The following ZFHX3 variants were observed in gnomAD, a reference collection of about 807,000 sequenced individuals.
The protein encoded by ZFHX3 is zinc finger homeobox protein 3.
Under a neutral mutation model 279.1 loss-of-function variants are expected in ZFHX3, and 42 were observed. The observed-to-expected ratio is 0.15, with a 90% CI of 0.12 to 0.19. The LOEUF (loss-of-function observed/expected upper bound fraction) is 0.19, where lower values mean the gene tolerates loss of function less well. Ranked by LOEUF, ZFHX3 falls within the 10% of genes least tolerant of loss-of-function variation. The probability of loss-of-function intolerance (pLI) is 1.00; values close to 1 mark genes in which losing one functional copy is unlikely to be tolerated. For synonymous variants in ZFHX3, 2,293 were observed against 1,957.8 expected (o/e 1.17, Z -4.52); for missense variants, 4,981 against 4,754.0 (o/e 1.05, Z -1.40).
intron 2 of ZFHX3, among the ~76,000 whole-genome samples, chr16:73,461,334 C>T (rs1300899586): frequency 2.0e-5 from 3 of 152,100 alleles, no homozygotes; most frequent in Non-Finnish European, 2.9e-5. Context: ...TTTCAGGTAT[C>T]TTCTCCCAGT....
At chr16:73,273,341 G>A (rs932155765) in intron 4 of ZFHX3, among the ~76,000 whole-genome samples, 4 of 152,170 alleles carry the variant, frequency 2.6e-5, no homozygotes, top group African/African-American at 7.2e-5. Context: ...AATAACTCCT[G>A]TTGGATATGA....
chr16:73,831,413 G>A (rs928552196), intron 1 of ZFHX3, among the ~76,000 whole-genome samples: 2 of 152,156 alleles, frequency 1.3e-5, no homozygotes, highest in African/African-American at 2.4e-5. Flanking sequence ...TAGTGCTATC[G>A]TTTATTAGAG....
intron 3 of ZFHX3, among the ~76,000 whole-genome samples, chr16:73,353,350 T>C (rs2143292373): frequency 6.6e-6 from 1 of 152,270 alleles, no homozygotes; most frequent in African/African-American, 2.4e-5. Context: ...TGCCATCCAT[T>C]TACTCACTCT....
chr16:73,493,666 T>C (rs747548454), intron 2 of ZFHX3, among the ~76,000 whole-genome samples: 12 of 152,176 alleles, frequency 7.9e-5, no homozygotes, highest in Non-Finnish European at 8.8e-5. Flanking sequence ...AGGGTCAACC[T>C]GTTCCTTCCT....
intron 1 of ZFHX3, among the ~76,000 whole-genome samples, chr16:73,699,197 A>G (rs2053225224): frequency 6.6e-6 from 1 of 152,286 alleles, no homozygotes; most frequent in African/African-American, 2.4e-5. Context: ...TCAATTTCTT[A>G]GTTTTGGCAA....
chr16:73,717,148 A>T (rs1012285042), intron 1 of ZFHX3, among the ~76,000 whole-genome samples: 1 of 152,170 alleles, frequency 6.6e-6, no homozygotes, highest in Non-Finnish European at 1.5e-5. Flanking sequence ...ACGCAGTTAT[A>T]CCTGGGCTCT....
chr16:73,575,836 G>A (rs2051793805), intron 2 of ZFHX3, among the ~76,000 whole-genome samples: 1 of 152,138 alleles, frequency 6.6e-6, no homozygotes, highest in Non-Finnish European at 1.5e-5. Context: ...TCTCACTGGA[G>A]ATGCTTTGTG....
At chr16:73,245,176 G>T (rs1221572353) in intron 5 of ZFHX3, among the ~76,000 whole-genome samples, 1 of 152,160 alleles carries the variant, frequency 6.6e-6, no homozygotes, top group African/African-American at 2.4e-5. Flanking sequence ...CCCTCTCATT[G>T]TTGATTTACT....
chr16:73,611,104 T>C (rs994324154), intron 2 of ZFHX3, among the ~76,000 whole-genome samples: 3 of 152,244 alleles, frequency 2.0e-5, no homozygotes, highest in African/African-American at 4.8e-5. Context: ...CTGATCTTAT[T>C]TTGTTTTTGA....
chr16:73,266,602 G>A (rs2013982727), intron 4 of ZFHX3, among the ~76,000 whole-genome samples: 2 of 152,298 alleles, frequency 1.3e-5, no homozygotes, highest in South Asian at 4.1e-4. Context: ...AGTTGGTGAT[G>A]TGGTTTGGCT....
intron 1 of ZFHX3, among the ~76,000 whole-genome samples, chr16:73,002,125 T>C (rs1963517765): frequency 1.3e-5 from 2 of 152,072 alleles, no homozygotes; most frequent in Admixed American, 1.3e-4. Context: ...CTTTTACAGA[T>C]AAAGCATCTG....
At chr16:73,703,560 A>C (rs7194049) in intron 1 of ZFHX3, among the ~76,000 whole-genome samples, 116,276 of 151,846 alleles carry the variant, frequency 0.77, 46,937 homozygotes, top group Non-Finnish European at 0.9. Flanking sequence ...CCTACAGCAC[A>C]AGCAGAGAGA....
intron 4 of ZFHX3, among the ~76,000 whole-genome samples, chr16:73,296,877 A>ATGTTTTTTTT (rs755308796): frequency 0.045 from 5,218 of 115,302 alleles, 748 homozygotes; most frequent in African/African-American, 0.14. Flanking sequence ...TGAAGCAGGA[A>ATGTTTTTTTT]TTTTTTTTTT....
At chr16:73,441,151 A>G (rs994302620) in intron 3 of ZFHX3, among the ~76,000 whole-genome samples, 2 of 152,280 alleles carry the variant, frequency 1.3e-5, no homozygotes, top group East Asian at 3.9e-4. Context: ...GCCCTGAAAG[A>G]GTTAATTCTT....
chr16:73,457,610 T>C (rs954299056), intron 2 of ZFHX3, among the ~76,000 whole-genome samples: 6 of 152,016 alleles, frequency 3.9e-5, no homozygotes, highest in Admixed American at 1.3e-4. Flanking sequence ...CTGTCTCTAC[T>C]AAAAATACAA....
At chr16:73,402,366 G>T (rs187668346) in intron 3 of ZFHX3, 1 of 152,256 alleles carries the variant, frequency 6.6e-6, no homozygotes, top group African/African-American at 2.4e-5. Context: ...AGGGCAACTT[G>T]GTAGTTGTTT....
At chr16:73,127,463 C>T in intron 7 of ZFHX3, 1 of 1,305,422 alleles carries the variant, frequency 7.7e-7, no homozygotes, top group Non-Finnish European at 1.0e-6. Context: ...CAAGCGAGAG[C>T]CGGGCATCGA....
At chr16:73,541,849 CT>C (rs1426111850) in intron 2 of ZFHX3, among the ~76,000 whole-genome samples, 4 of 133,112 alleles carry the variant, frequency 3.0e-5, no homozygotes, top group Admixed American at 1.8e-4. Context: ...GTCACCCAGG[CT>C]GGAGTGCAGT....
intron 1 of ZFHX3, among the ~76,000 whole-genome samples, chr16:73,822,653 G>C (rs1461444726): frequency 6.6e-6 from 1 of 152,148 alleles, no homozygotes; most frequent in Non-Finnish European, 1.5e-5. Context: ...TTACTGTAAA[G>C]TGTGTGCCTG....
Sources: gnomAD v4.1 joint callset for allele counts (sites outside exome capture counted in the v4.1 genomes callset) on GRCh38, gnomAD v4.1.1 for gene constraint, MANE v1.5 for transcripts, NCBI Gene and HGNC (gene_info 2026-07-23, HGNC 2026-07-21) for gene names.